NRXN3: variants seen among roughly 807,000 people sequenced by gnomAD.
NRXN3 encodes the protein neurexin III.
Under a neutral mutation model 137.6 loss-of-function variants are expected in NRXN3, and 32 were observed. The observed-to-expected ratio is 0.23, with a 90% confidence interval of 0.18 to 0.31. The LOEUF is 0.31. Among genes scored for constraint, NRXN3 ranks in the 10% least tolerant of loss-of-function variants. The pLI is 1.00. For synonymous variants in NRXN3, 798 were observed against 784.5 expected, an observed-to-expected ratio of 1.02 and a Z score of -0.29; for missense variants, 1,574 against 2,062.5, an observed-to-expected ratio of 0.76 and a Z score of 4.59.
At chr14:79,239,031 T>C (rs1371320376) in intron 15 of NRXN3, among the ~76,000 whole-genome samples, 1 of 152,142 alleles carries the variant, frequency 6.6e-6, no homozygotes, top group Non-Finnish European at 1.5e-5. Flanking sequence ...CCCCCAGTAG[T>C]TGCCTTTAAC....
intron 4 of NRXN3, among the ~76,000 whole-genome samples, chr14:78,603,812 C>A (rs1194894473): frequency 6.6e-6 from 1 of 152,120 alleles, no homozygotes; most frequent in Non-Finnish European, 1.5e-5. Flanking sequence ...CCATGGCCTT[C>A]ATAGGCTAGA....
intron 15 of NRXN3, among the ~76,000 whole-genome samples, chr14:79,132,324 A>T (rs1332096679): frequency 2.0e-5 from 3 of 152,248 alleles, no homozygotes; most frequent in African/African-American, 4.8e-5. Context: ...ATGTATATAC[A>T]GATAAAATAT....
chr14:78,828,680 C>T (rs544923669), intron 10 of NRXN3, among the ~76,000 whole-genome samples: 5 of 152,300 alleles, frequency 3.3e-5, no homozygotes, highest in Admixed American at 3.3e-4. Context: ...AGCAGACTAG[C>T]TACCCAGAAT....
chr14:79,206,171 A>G (rs1352364690), intron 15 of NRXN3, among the ~76,000 whole-genome samples: 1 of 152,202 alleles, frequency 6.6e-6, no homozygotes, highest in Non-Finnish European at 1.5e-5. Flanking sequence ...ATTTGCATCA[A>G]GTTATACTCA....
intron 15 of NRXN3, among the ~76,000 whole-genome samples, chr14:79,359,991 G>T (rs559729084): frequency 2.0e-4 from 30 of 152,268 alleles, no homozygotes; most frequent in African/African-American, 6.7e-4. Flanking sequence ...TACTTGGAAG[G>T]TGGAAACAGG....
At chr14:79,494,754 G>A (rs1029873809) in intron 16 of NRXN3, among the ~76,000 whole-genome samples, 7 of 152,066 alleles carry the variant, frequency 4.6e-5, no homozygotes, top group African/African-American at 9.7e-5. Flanking sequence ...TTCCACTAAC[G>A]TTAAAATATT....
Position 78,699,071 on chromosome 14 carries a change from T to C in NRXN3, c.1222-10146T>C, listed in dbSNP as rs1053797308. 2.6e-5 allele frequency among the ~76,000 whole-genome samples: 4 copies of C among 151,978 alleles called. No homozygotes were observed. In the East Asian group the frequency reaches 5.8e-4, roughly 22 times the overall value. On this transcript the variant is annotated intron_variant, in intron 6 of 20. Transcript: ENST00000335750. The stretch of plus-strand genomic sequence containing the variant: ...TTGAGAGATACAGAGAGAAAAGGCA[T>C]AGGTTTCTCCCCTTGAGAGGCTCCT...
chr14:78,402,046 T>C (rs189830829), intron 4 of NRXN3, among the ~76,000 whole-genome samples: 4 of 152,348 alleles, frequency 2.6e-5, no homozygotes, highest in Admixed American at 6.5e-5. Context: ...ACTGAATGGA[T>C]GATTAACTGT....
intron 6 of NRXN3, among the ~76,000 whole-genome samples, chr14:78,683,084 C>T (rs543013997): frequency 9.9e-5 from 15 of 152,216 alleles, no homozygotes; most frequent in African/African-American, 3.6e-4. Context: ...TTTAAAATCA[C>T]ACTGTATATT....
At chr14:78,184,443 G>A (rs980816325) in intron 1 of NRXN3, among the ~76,000 whole-genome samples, 2 of 152,210 alleles carry the variant, frequency 1.3e-5, no homozygotes, top group African/African-American at 4.8e-5. Flanking sequence ...TCTTAAGAGG[G>A]AAGGAAACAC....
At chr14:78,467,982 G>A (rs1483121857) in intron 4 of NRXN3, among the ~76,000 whole-genome samples, 1 of 152,030 alleles carries the variant, frequency 6.6e-6, no homozygotes, top group Non-Finnish European at 1.5e-5. Context: ...GGAGCGCAGT[G>A]GCACGATCTT....
chr14:78,989,942 T>C (rs1055245383), intron 15 of NRXN3, among the ~76,000 whole-genome samples: 1 of 152,328 alleles, frequency 6.6e-6, no homozygotes, highest in Admixed American at 6.5e-5. Flanking sequence ...TGTCACCCAA[T>C]GCCAGGCATT....
chr14:78,678,623 C>T (rs1022547033), intron 6 of NRXN3, among the ~76,000 whole-genome samples: 2 of 152,110 alleles, frequency 1.3e-5, no homozygotes, highest in African/African-American at 2.4e-5. Context: ...ATAAATATTC[C>T]AGTTTCCTTG....
At chr14:79,126,386 C>T (rs2056472633) in intron 15 of NRXN3, among the ~76,000 whole-genome samples, 2 of 138,018 alleles carry the variant, frequency 1.4e-5, no homozygotes, top group Admixed American at 7.9e-5. Context: ...CATGTGTTCT[C>T]ATTGTTCAAT....
Position 79,867,940 on chromosome 14 carries a change from G to C in NRXN3, c.*5976G>C, listed in dbSNP as rs1016966211. The C allele has an allele frequency of 2.2e-5, 3 of 133,660 alleles. No homozygotes were observed. Among genetic ancestry groups the C allele is most frequent in the Admixed American group, 1.6e-4 (2 of 12,394 alleles). 8.3% of individuals were successfully genotyped at this position (133,660 alleles called of 1,614,324 possible). On this transcript the variant is annotated 3_prime_UTR_variant, in exon 21 of 21. Transcript: ENST00000335750. Reference sequence around the variant, plus strand: ...TTGGGAGATGTATTAAATGAGTAGAGTGAATTTCAAGATATCTGAGTTTTT... The same window carrying C: ...TTGGGAGATGTATTAAATGAGTAGACTGAATTTCAAGATATCTGAGTTTTT...
At chr14:78,508,998 T>C (rs1372768060) in intron 4 of NRXN3, among the ~76,000 whole-genome samples, 1 of 152,180 alleles carries the variant, frequency 6.6e-6, no homozygotes, top group Non-Finnish European at 1.5e-5. Context: ...TCATATTTTA[T>C]TTTCCTTATG....
intron 20 of NRXN3, among the ~76,000 whole-genome samples, chr14:79,807,132 C>T (rs34378867): frequency 0.1 from 15,649 of 150,996 alleles, 1,120 homozygotes; most frequent in African/African-American, 0.19. Context: ...CACCACTATG[C>T]CAGCTAATTT....
chr14:79,053,623 CGT>C (rs987367928), intron 15 of NRXN3, among the ~76,000 whole-genome samples: 5 of 30,618 alleles, frequency 1.6e-4, no homozygotes, highest in Non-Finnish European at 3.7e-4. Context: ...TGCTGTATGC[CGT>C]GTGTGTGTGT....
chr14:78,736,801 TACAG>T (rs1225891116), intron 8 of NRXN3, among the ~76,000 whole-genome samples: 20 of 152,236 alleles, frequency 1.3e-4, no homozygotes, highest in African/African-American at 4.8e-4. Flanking sequence ...ATAAGCAGAA[TACAG>T]TAAAATATAT....
Sources: gnomAD v4.1 joint callset for allele counts (sites outside exome capture counted in the v4.1 genomes callset) on GRCh38, gnomAD v4.1.1 for gene constraint, MANE v1.5 for transcripts, NCBI Gene and HGNC (gene_info 2026-07-23, HGNC 2026-07-21) for gene names.